KIAA1217: variants seen among roughly 807,000 people sequenced by gnomAD.
KIAA1217 encodes the protein sickle tail protein homolog.
KIAA1217 carries 88 observed loss-of-function variants against 163.9 expected under a neutral mutation model. The ratio of observed to expected loss-of-function variants is 0.54; its 90% CI spans 0.45 to 0.64. The LOEUF is 0.64. Ranked by LOEUF, KIAA1217 falls within the 30% of genes least tolerant of loss-of-function variation. KIAA1217 has a pLI of 0.00. For synonymous variants in KIAA1217, 903 were observed against 923.1 expected (o/e 0.98, Z 0.39); for missense variants, 2,372 against 2,475.0 (o/e 0.96, Z 0.88).
intron 2 of KIAA1217, among the ~76,000 whole-genome samples, chr10:24,226,567 A>G (rs1315249905): frequency 6.6e-6 from 1 of 151,952 alleles, no homozygotes; most frequent in East Asian, 1.9e-4. Context: ...GCTTGAACCC[A>G]GGAGGCAGAG....
chr10:23,730,142 CT>C (rs1461116111), intron 1 of KIAA1217, among the ~76,000 whole-genome samples: 1 of 152,128 alleles, frequency 6.6e-6, no homozygotes, highest in Non-Finnish European at 1.5e-5. Context: ...ACCTCGTGAT[CT>C]GCCCGCCTCG....
At chr10:24,224,896 G>A (rs1045166267) in intron 2 of KIAA1217, among the ~76,000 whole-genome samples, 26 of 143,660 alleles carry the variant, frequency 1.8e-4, no homozygotes, top group Admixed American at 3.6e-4. Context: ...GCGCAGTCTC[G>A]GCTTACTGCA....
At chr10:23,908,444 C>G (rs566692600) in intron 1 of KIAA1217, among the ~76,000 whole-genome samples, 1 of 152,092 alleles carries the variant, frequency 6.6e-6, no homozygotes, top group Non-Finnish European at 1.5e-5. Flanking sequence ...ACTGCTCTTT[C>G]TCTGCTTCTT....
intron 2 of KIAA1217, among the ~76,000 whole-genome samples, chr10:24,035,933 A>G (rs1198195995): frequency 1.3e-5 from 2 of 152,212 alleles, no homozygotes; most frequent in African/African-American, 2.4e-5. Context: ...GCCCCCAGCT[A>G]TGGATGGAAG....
intron 9 of KIAA1217, among the ~76,000 whole-genome samples, chr10:24,503,493 G>A (rs1229688775): frequency 2.0e-5 from 3 of 152,142 alleles, no homozygotes; most frequent in African/African-American, 2.4e-5. Flanking sequence ...TTCAGTGTCC[G>A]GGCAGTAACA....
rs577837941 is a variant in KIAA1217 at position 24,065,793 on chromosome 10, C to T, written c.-171+58419C>T. ...TGGGAGTCTAAGTCTCTTTGTAGGT[C>T]ACTAAGGACTTGCTTTATGAATCTG... On this transcript the variant is annotated intron_variant, in intron 2 of 18. Transcript: ENST00000376462. Among the ~76,000 whole-genome samples the T allele has an allele frequency of 2.7e-3, 414 of 152,254 alleles. 3 individuals are homozygous for T. Among genetic ancestry groups the T allele is most frequent in the African/African-American group, 9.3e-3 (386 of 41,522 alleles).
At chr10:24,142,589 C>T (rs150296453) in intron 2 of KIAA1217, among the ~76,000 whole-genome samples, 4 of 151,940 alleles carry the variant, frequency 2.6e-5, no homozygotes, top group African/African-American at 9.7e-5. Flanking sequence ...GTACTTACAC[C>T]CCTTGAATCT....
chr10:24,161,902 A>G (rs375710796), intron 2 of KIAA1217, among the ~76,000 whole-genome samples: 11 of 152,344 alleles, frequency 7.2e-5, no homozygotes, highest in Admixed American at 5.9e-4. Context: ...ATGGATAAGA[A>G]ATGATACGAG....
At chr10:24,410,197 T>A (rs2057641152) in intron 3 of KIAA1217, among the ~76,000 whole-genome samples, 1 of 152,070 alleles carries the variant, frequency 6.6e-6, no homozygotes, top group Non-Finnish European at 1.5e-5. Flanking sequence ...GGTTTCACCA[T>A]GTTGGCCAGG....
At chr10:23,859,708 G>A (rs572351089) in intron 1 of KIAA1217, among the ~76,000 whole-genome samples, 1 of 152,048 alleles carries the variant, frequency 6.6e-6, no homozygotes, top group Non-Finnish European at 1.5e-5. Flanking sequence ...AAATCAATGT[G>A]TACTTTAGAA....
In KIAA1217 at chr10:23,964,151, C is replaced by T. The variant is rs1049719980; in HGVS notation, c.-320-43074C>T. Among the ~76,000 whole-genome samples the T allele has an allele frequency of 7.2e-5, 11 of 152,198 alleles. No individual in the cohort carries two copies. The South Asian group carries it at 1.0e-3, about 14-fold the overall frequency. On this transcript the variant is annotated intron_variant, in intron 1 of 18. Transcript: ENST00000376462. Reference sequence around the variant, plus strand: ...TCTCTTGACTTCATGATCCACCCGCCTCAGCCTCCCAAAGTGCTAGGATTA... The same window carrying T: ...TCTCTTGACTTCATGATCCACCCGCTTCAGCCTCCCAAAGTGCTAGGATTA...
intron 2 of KIAA1217, among the ~76,000 whole-genome samples, chr10:24,220,793 C>T (rs1207086737): frequency 2.3e-4 from 25 of 110,000 alleles, no homozygotes; most frequent in Non-Finnish European, 4.1e-4. Flanking sequence ...TGGGTTATTG[C>T]TGTATTACCC....
intron 2 of KIAA1217, among the ~76,000 whole-genome samples, chr10:24,145,455 C>T (rs1228853448): frequency 2.0e-5 from 3 of 152,208 alleles, no homozygotes; most frequent in South Asian, 2.1e-4. Flanking sequence ...GTCAAAGAAT[C>T]ATATAAATCA....
intron 1 of KIAA1217, among the ~76,000 whole-genome samples, chr10:23,957,555 C>G (rs1350973469): frequency 1.3e-5 from 2 of 152,170 alleles, no homozygotes; most frequent in African/African-American, 4.8e-5. Context: ...AACCCCGTCT[C>G]TACTAAAAAT....
intron 1 of KIAA1217, among the ~76,000 whole-genome samples, chr10:23,824,658 A>AATTATATAT (rs1837808387): frequency 3.8e-5 from 2 of 53,040 alleles, no homozygotes; most frequent in African/African-American, 1.3e-4. Context: ...AAATAAAAAA[A>AATTATATAT]ATATATATAT....
At chr10:24,514,944 A>T (rs1193209462) in intron 10 of KIAA1217, among the ~76,000 whole-genome samples, 4 of 151,972 alleles carry the variant, frequency 2.6e-5, no homozygotes, top group Non-Finnish European at 5.9e-5. Context: ...GTGAGCCGAG[A>T]TTGCACCACT....
At chr10:24,041,718 C>G (rs977799496) in intron 2 of KIAA1217, among the ~76,000 whole-genome samples, 1 of 152,108 alleles carries the variant, frequency 6.6e-6, no homozygotes, top group Non-Finnish European at 1.5e-5. Context: ...GGTGGGCATT[C>G]GTTTCACGGT....
intron 1 of KIAA1217, among the ~76,000 whole-genome samples, chr10:23,787,923 G>A (rs1339741652): frequency 6.6e-6 from 1 of 152,062 alleles, no homozygotes; most frequent in African/African-American, 2.4e-5. Context: ...GGCTGGGCAT[G>A]GTGGCTCACA....
At chr10:23,844,968 T>C (rs1187206827) in intron 1 of KIAA1217, among the ~76,000 whole-genome samples, 4 of 152,158 alleles carry the variant, frequency 2.6e-5, no homozygotes, top group South Asian at 2.1e-4. Flanking sequence ...CTCCCACTTA[T>C]GAGTGAGAAC....
Sources: allele counts gnomAD v4.1 joint callset (sites outside exome capture counted in the v4.1 genomes callset), GRCh38; gene constraint gnomAD v4.1.1; transcripts MANE v1.5; gene names NCBI Gene and HGNC (gene_info 2026-07-23, HGNC 2026-07-21).